Variants in CDON observed in about 807,000 individuals in gnomAD.
The protein encoded by CDON is cell adhesion associated, oncogene regulated.
CDON carries 73 observed loss-of-function variants against 120.9 expected under a neutral mutation model. The ratio of observed to expected loss-of-function variants is 0.60; its 90% CI spans 0.50 to 0.73. The LOEUF (loss-of-function observed/expected upper bound fraction) is 0.73. CDON is among the 30% of genes least tolerant of loss of function. The pLI, the probability that CDON is intolerant of heterozygous loss-of-function variation, is 0.00. For missense variants in CDON, 1,470 were observed against 1,587.3 expected, an observed-to-expected ratio of 0.93 and a Z score of 1.26; for synonymous variants, 566 against 573.5, an observed-to-expected ratio of 0.99 and a Z score of 0.19.
chr11:125,969,100 G>A (rs913112085), intron 18 of CDON, among the ~76,000 whole-genome samples: 1 of 152,228 alleles, frequency 6.6e-6, no homozygotes, highest in African/African-American at 2.4e-5. Flanking sequence ...CCAGGTTCAA[G>A]TGATTCTCCT....
intron 1 of CDON, among the ~76,000 whole-genome samples, chr11:126,055,407 G>A (rs1948658132): frequency 6.6e-6 from 1 of 152,134 alleles, no homozygotes; most frequent in Non-Finnish European, 1.5e-5. Context: ...TTTATAAAAT[G>A]GAGAAAATAT....
intron 14 of CDON, among the ~76,000 whole-genome samples, chr11:125,991,079 T>C (rs1946621397): frequency 6.6e-6 from 1 of 152,230 alleles, no homozygotes; most frequent in Non-Finnish European, 1.5e-5. Context: ...GAATAATTAC[T>C]ACACTAGATT....
Position 125,989,842 on chromosome 11 carries a change from G to A in CDON, c.2651-83C>T, listed in dbSNP as rs1243562721. On this transcript the variant is annotated intron_variant, in intron 14 of 19. Coordinates refer to ENST00000531738, the MANE Select transcript of CDON (RefSeq NM_001378964.1). Reference sequence around the variant, plus strand: ...TAATTAGTTAATGTTTTCAGGATGAGGCTGGAGCAGCATCCACTACCATCC... The same window carrying A: ...TAATTAGTTAATGTTTTCAGGATGAAGCTGGAGCAGCATCCACTACCATCC... 2.3e-6 allele frequency: 3 copies of A among 1,301,322 alleles called. No individual in the cohort carries two copies. In the African/African-American group the frequency reaches 4.4e-5, roughly 19 times the overall value. The allele number at this position is 1,301,322 out of a possible 1,614,324, so 80.6% of individuals were successfully genotyped here. A position where few individuals can be genotyped will look rare whatever the true frequency, so the allele number is the denominator to read the frequency against.
intron 17 of CDON, among the ~76,000 whole-genome samples, chr11:125,979,005 A>G (rs1015374461): frequency 6.6e-6 from 1 of 152,220 alleles, no homozygotes; most frequent in Non-Finnish European, 1.5e-5. Flanking sequence ...CAATTAAGAA[A>G]AATGCCCAGA....
At chr11:126,013,330 G>A (rs1469566000) in intron 7 of CDON, among the ~76,000 whole-genome samples, 2 of 152,160 alleles carry the variant, frequency 1.3e-5, no homozygotes, top group Middle Eastern at 3.2e-3. Context: ...CTGGAATCAA[G>A]ACTGGAGAGT....
intron 1 of CDON, among the ~76,000 whole-genome samples, chr11:126,033,962 A>G (rs1282921119): frequency 6.6e-6 from 1 of 152,062 alleles, no homozygotes; most frequent in Non-Finnish European, 1.5e-5. Context: ...GGAACATATA[A>G]ATCTCATCAA....
At chr11:125,981,963 CTATTTTCTTTTT>C (rs1460309988) in intron 16 of CDON, among the ~76,000 whole-genome samples, 3 of 34,134 alleles carry the variant, frequency 8.8e-5, no homozygotes, top group East Asian at 1.1e-3. Context: ...AAAAGTGATT[CTATTTTCTTTTT>C]TTTTTTTTTT....
intron 17 of CDON, among the ~76,000 whole-genome samples, chr11:125,978,981 C>T (rs865847727): frequency 3.9e-5 from 6 of 152,094 alleles, no homozygotes; most frequent in African/African-American, 1.2e-4. Flanking sequence ...TTGCTTTTGG[C>T]GGAAACTGCC....
chr11:125,970,547 T>G (rs1945950857), intron 18 of CDON, among the ~76,000 whole-genome samples: 2 of 152,140 alleles, frequency 1.3e-5, no homozygotes, highest in African/African-American at 2.4e-5. Flanking sequence ...ACCCAGCTCT[T>G]ATTTTCGGGA....
At chr11:126,061,370 G>C (rs1381996431) in intron 1 of CDON, among the ~76,000 whole-genome samples, 1 of 152,104 alleles carries the variant, frequency 6.6e-6, no homozygotes, top group Non-Finnish European at 1.5e-5. Flanking sequence ...AAAATTTCCA[G>C]AAAATTTTTT....
intron 18 of CDON, among the ~76,000 whole-genome samples, chr11:125,969,268 G>C (rs1159622341): frequency 6.6e-6 from 1 of 152,196 alleles, no homozygotes; most frequent in Non-Finnish European, 1.5e-5. Flanking sequence ...AAAGTGCTGG[G>C]ATTACAGGCG....
At chr11:125,991,725 G>A (rs1246964634) in intron 14 of CDON, among the ~76,000 whole-genome samples, 1 of 151,470 alleles carries the variant, frequency 6.6e-6, no homozygotes, top group Non-Finnish European at 1.5e-5. Context: ...CAGACCAATA[G>A]TTTCCAACTG....
chr11:126,017,341 G>T lies in CDON; in HGVS notation c.675C>A (p.Pro225=). Residue 225 remains proline, a synonymous_variant, in exon 6 of 20, where the codon CCC becomes CCA. Coordinates refer to ENST00000531738, the MANE Select transcript of CDON (RefSeq NM_001378964.1). ...PSSDDVHILH[P]THSQALAVLS... is the part of the protein sequence containing the mutation. ...GAACAGCTAATGCCTGTGAATGGGTGGGGTGAAGAATGTGAACATCATCTG... is the reference window on the plus strand; with the variant it reads ...GAACAGCTAATGCCTGTGAATGGGTTGGGTGAAGAATGTGAACATCATCTG... 6.2e-7 allele frequency: 1 copy of T among 1,614,110 alleles called. No individual in the cohort carries two copies. Among genetic ancestry groups the T allele is most frequent in the South Asian group, 1.1e-5 (1 of 91,072 alleles).
intron 7 of CDON, among the ~76,000 whole-genome samples, chr11:126,014,248 T>C (rs1947393231): frequency 1.3e-5 from 2 of 152,136 alleles, no homozygotes; most frequent in African/African-American, 4.8e-5. Context: ...CGACCTAATT[T>C]TTTCAATGAG....
intron 7 of CDON, among the ~76,000 whole-genome samples, chr11:126,014,139 T>G (rs544003284): frequency 6.6e-6 from 1 of 152,250 alleles, no homozygotes; most frequent in South Asian, 2.1e-4. Flanking sequence ...CATATTATAT[T>G]GATTTTCTGA....
Position 126,019,735 on chromosome 11 carries a change from T to C in CDON, c.380A>G (p.His127Arg), listed in dbSNP as rs1477006684. 4 of 1,613,836 alleles carry C rather than the reference T, an allele frequency of 2.5e-6. No individual in the cohort carries two copies. Among genetic ancestry groups the C allele is most frequent in the African/African-American group, 1.3e-5 (1 of 74,922 alleles). The change falls in exon 4 of 20, where the codon CAT becomes CGT. Residue 127 changes from histidine (H) to arginine (R), a missense_variant. Coordinates refer to ENST00000531738, the MANE Select transcript of CDON (RefSeq NM_001378964.1). Reference sequence around the variant, plus strand: ...ACTTTTTTCTTCTGCTGTAATAACATGCTTTGTGGATGAACCAAAATCACC... The same window carrying C: ...ACTTTTTTCTTCTGCTGTAATAACACGCTTTGTGGATGAACCAAAATCACC... The part of the protein sequence containing the change: ...VLGDFGSSTK[H>R]VITAEEKSAG...
At chr11:125,973,016 G>GTTTTTTTTTTTT (rs1946046616) in intron 18 of CDON, among the ~76,000 whole-genome samples, 1 of 70,644 alleles carries the variant, frequency 1.4e-5, no homozygotes, top group Non-Finnish European at 2.8e-5. Context: ...CAATTACTTG[G>GTTTTTTTTTTTT]TCTTTTTTTT....
intron 1 of CDON, 110 bp from the exon 2 acceptor site, chr11:126,023,647 C>T (rs1057061599): frequency 1.2e-5 from 8 of 663,634 alleles, no homozygotes; most frequent in East Asian, 5.4e-5. Context: ...GTGTAGAGTA[C>T]GTCAAATACC....
Position 125,958,563 on chromosome 11 carries a change from A to ATGTGTGTGTGTGTGTG in CDON, c.*2378_*2379insCACACACACACACACA, listed in dbSNP as rs886047955. ...TAAAGGCAATTATATATATATATAT[A>ATGTGTGTGTGTGTGTG]TATGTGTGTGTGTGTGTGTGTGTGT... On this transcript the variant is annotated 3_prime_UTR_variant, in exon 20 of 20. Coordinates refer to ENST00000531738, the MANE Select transcript of CDON (RefSeq NM_001378964.1). 86 of 94,866 alleles carry ATGTGTGTGTGTGTGTG rather than the reference A, an allele frequency of 9.1e-4. No homozygotes were observed. Among genetic ancestry groups the ATGTGTGTGTGTGTGTG allele is most frequent in the Middle Eastern group, 5.4e-3 (1 of 184 alleles). 5.9% of individuals were successfully genotyped at this position (94,866 alleles called of 1,614,324 possible). A position where few individuals can be genotyped will look rare whatever the true frequency, so the allele number is the denominator to read the frequency against.
Sources: gnomAD v4.1 joint callset for allele counts (sites outside exome capture counted in the v4.1 genomes callset) on GRCh38, gnomAD v4.1.1 for gene constraint, MANE v1.5 for transcripts, NCBI Gene and HGNC (gene_info 2026-07-23, HGNC 2026-07-21) for gene names.